Variants in PLB1 observed in about 807,000 individuals in gnomAD.
The protein encoded by PLB1 is phospholipase B1.
In PLB1, 242 loss-of-function variants were observed where a neutral mutation model predicts 227.4. That is an observed-to-expected ratio of 1.06 (90% CI 0.96 to 1.18). The LOEUF is 1.18. PLB1 is among the 50% of genes most tolerant of loss of function. The pLI, the probability that PLB1 is intolerant of heterozygous loss-of-function variation, is 0.00. For synonymous variants in PLB1, 757 were observed against 682.2 expected (o/e 1.11, Z -1.71); for missense variants, 1,858 against 1,816.3 (o/e 1.02, Z -0.42).
Position 28,538,362 on chromosome 2 carries a change from T to C in PLB1, c.599T>C (p.Leu200Pro). ...AGGVDELMGVLDYLQQEVPRA... is the reference protein window; with the variant it reads ...AGGVDELMGVPDYLQQEVPRA... ...GGCGTGGATGAGCTGATGGGGGTGC[T>C]GGACTACCTGCAGCAGGAGGTGAGG... Residue 200 changes from leucine (L) to proline (P), a missense_variant, in exon 10 of 58, where the codon CTG becomes CCG. By Grantham distance (98) the Leu-to-Pro change is moderately conservative. Transcript: ENST00000327757. 1.2e-6 allele frequency: 2 copies of C among 1,612,226 alleles called. No individual in the cohort carries two copies. The highest frequency in any genetic ancestry group is 1.7e-5 in the Admixed American group (1 of 59,960).
In PLB1 at chr2:28,589,491, A is replaced by G; in HGVS notation, c.1857A>G (p.Thr619=). The change falls in exon 27 of 58, where the codon ACA becomes ACG. Residue 619 remains threonine (T), a synonymous_variant. Transcript: ENST00000327757. ...TGATTGAGAGTGGGCGATATGACAC[A>G]AGGGAAGATTTTACTGTGGTTGTGC... is the stretch of plus-strand genomic sequence containing the variant. ...HQLIESGRYD[T]REDFTVVVQP... 1 of 1,614,150 alleles carries G rather than the reference A, an allele frequency of 6.2e-7. No homozygotes were observed. Among genetic ancestry groups the G allele is most frequent in the Non-Finnish European group, 8.5e-7 (1 of 1,180,026 alleles).
At chr2:28,525,062 T>G (rs1432824348) in intron 4 of PLB1, among the ~76,000 whole-genome samples, 1 of 152,160 alleles carries the variant, frequency 6.6e-6, no homozygotes, top group Non-Finnish European at 1.5e-5. Context: ...TTGGCCAGGC[T>G]GGTCTTGAAC....
chr2:28,509,221 A>G (rs180854816), intron 1 of PLB1, among the ~76,000 whole-genome samples: 1 of 152,350 alleles, frequency 6.6e-6, no homozygotes, highest in Non-Finnish European at 1.5e-5. Context: ...CCATAAATTA[A>G]GAGAGCATGC....
intron 43 of PLB1, among the ~76,000 whole-genome samples, chr2:28,610,118 T>C (rs1685232209): frequency 6.6e-6 from 1 of 152,168 alleles, no homozygotes; most frequent in Non-Finnish European, 1.5e-5. Context: ...TATTTGACTT[T>C]AAGTTCCAGG....
At chr2:28,620,226 C>CT (rs777469639) in intron 46 of PLB1, 39 bp from the exon 47 acceptor site, 1 of 1,502,926 alleles carries the variant, frequency 6.7e-7, no homozygotes. Context: ...TGCCCTCAGC[C>CT]TATACCCCAG....
intron 6 of PLB1, among the ~76,000 whole-genome samples, chr2:28,528,809 C>T (rs1670614702): frequency 6.6e-6 from 1 of 152,156 alleles, no homozygotes; most frequent in Non-Finnish European, 1.5e-5. Flanking sequence ...CAGAGGCCTG[C>T]TCCAGAGGTA....
chr2:28,546,226 G>A (rs1039763308), intron 14 of PLB1, among the ~76,000 whole-genome samples: 4 of 152,144 alleles, frequency 2.6e-5, no homozygotes, highest in Admixed American at 1.3e-4. Flanking sequence ...TGCTGCTGCC[G>A]CAATAATTTC....
At chr2:28,607,753 G>A (rs1245490703) in intron 43 of PLB1, among the ~76,000 whole-genome samples, 1 of 152,018 alleles carries the variant, frequency 6.6e-6, no homozygotes, top group African/African-American at 2.4e-5. Context: ...CAGGGACCGT[G>A]GATAGTGGGG....
At chr2:28,513,875 C>T (rs543752295) in intron 1 of PLB1, among the ~76,000 whole-genome samples, 6 of 152,208 alleles carry the variant, frequency 3.9e-5, no homozygotes, top group Non-Finnish European at 8.8e-5. Flanking sequence ...AGCCCCAACC[C>T]TCTAAACAAC....
In PLB1 at chr2:28,598,652, A is replaced by C. The variant is rs775891571; in HGVS notation, c.2366A>C (p.Asn789Thr). 11 of 1,612,368 alleles carry C rather than the reference A, an allele frequency of 6.8e-6. No individual in the cohort carries two copies. Among genetic ancestry groups the C allele is most frequent in the Non-Finnish European group, 9.3e-6 (11 of 1,178,364 alleles). Residue 789 changes from asparagine (N) to threonine (T), a missense_variant and splice_region_variant, in exon 35 of 58, where the codon AAT becomes ACT. Coordinates refer to ENST00000327757, the MANE Select transcript of PLB1 (RefSeq NM_153021.5). ...GSLENVTTLP[N>T]ILREFNRNLT... ...GCATCCCATTCACCTTCTCTTCCAG[A>C]TATCCTTCGGGAGTTTAACAGAAAC...
intron 11 of PLB1, 109 bp from the exon 12 acceptor site, chr2:28,540,257 C>T (rs1221724309): frequency 3.5e-6 from 3 of 848,552 alleles, no homozygotes; most frequent in African/African-American, 3.3e-5. Flanking sequence ...CATCCCTACT[C>T]CTTAAGCAAC....
chr2:28,527,120 T>C (rs923857664), intron 6 of PLB1, among the ~76,000 whole-genome samples: 5 of 152,168 alleles, frequency 3.3e-5, no homozygotes, highest in South Asian at 2.1e-4. Context: ...TCTGGGAAGA[T>C]AGGATATAGT....
At position 28,524,510 on chromosome 2, in the gene PLB1, ATTTGTT is replaced by A. The variant is rs1454915098; in HGVS notation, c.244-756_244-751del. ...TTCCAAAAATATGGATTCAACATAT[ATTTGTT>A]AAATACTTACAACACACCCAGGCAC... On this transcript the variant is annotated intron_variant, in intron 4 of 57. Transcript: ENST00000327757. Among the ~76,000 whole-genome samples, 1,152 of 152,334 alleles carry A rather than the reference ATTTGTT, an allele frequency of 7.6e-3. 14 individuals are homozygous for A. Among genetic ancestry groups the A allele is most frequent in the African/African-American group, 0.026 (1,070 of 41,580 alleles).
At chr2:28,618,278 T>C in intron 45 of PLB1, 63 bp from the exon 46 acceptor site, 1 of 1,409,444 alleles carries the variant, frequency 7.1e-7, no homozygotes, top group Non-Finnish European at 1.0e-6. Context: ...TCTGGTAAAA[T>C]GTGTACTTTA....
chr2:28,612,907 T>C (rs1685678396), intron 43 of PLB1, among the ~76,000 whole-genome samples: 1 of 150,624 alleles, frequency 6.6e-6, no homozygotes, highest in Admixed American at 6.6e-5. Context: ...TGTGAGCCAC[T>C]GTGCCCAGAC....
At chr2:28,604,439 G>A (rs774879520) in intron 40 of PLB1, among the ~76,000 whole-genome samples, 4 of 152,204 alleles carry the variant, frequency 2.6e-5, no homozygotes, top group African/African-American at 7.2e-5. Flanking sequence ...CCTTCAGAGA[G>A]AGTAGTCTAC....
At chr2:28,621,566 A>T (rs1687059877) in intron 49 of PLB1, among the ~76,000 whole-genome samples, 1 of 152,224 alleles carries the variant, frequency 6.6e-6, no homozygotes, top group Non-Finnish European at 1.5e-5. Context: ...AGATAATTAA[A>T]GCTGAAATGC....
At chr2:28,550,763 A>G (rs1674118833) in intron 16 of PLB1, among the ~76,000 whole-genome samples, 1 of 151,864 alleles carries the variant, frequency 6.6e-6, no homozygotes. Flanking sequence ...GCTGGTCTCG[A>G]ACTCCTGACC....
intron 56 of PLB1, among the ~76,000 whole-genome samples, chr2:28,633,624 G>A (rs927034447): frequency 6.6e-6 from 1 of 152,208 alleles, no homozygotes; most frequent in African/African-American, 2.4e-5. Flanking sequence ...CTTTCTGATG[G>A]GAAGAAGGGA....
Sources: gnomAD v4.1 joint callset for allele counts (sites outside exome capture counted in the v4.1 genomes callset) on GRCh38, gnomAD v4.1.1 for gene constraint, MANE v1.5 for transcripts, NCBI Gene and HGNC (gene_info 2026-07-23, HGNC 2026-07-21) for gene names.